ARHGAP24: variants seen among roughly 807,000 people sequenced by gnomAD.
The protein encoded by ARHGAP24 is Rho GTPase activating protein 24.
In ARHGAP24, 50 loss-of-function variants were observed where a neutral mutation model predicts 76.4. The observed-to-expected ratio is 0.65, with a 90% confidence interval of 0.52 to 0.83. The LOEUF is 0.83. ARHGAP24 is among the 40% of genes least tolerant of loss of function. The pLI is 0.00. For synonymous variants in ARHGAP24, 345 were observed against 323.3 expected (o/e 1.07, Z -0.72); for missense variants, 930 against 914.2 (o/e 1.02, Z -0.22).
At chr4:85,875,580 ATATATATTTTATAT>A (rs1340031244) in intron 3 of ARHGAP24, among the ~76,000 whole-genome samples, 2 of 104,708 alleles carry the variant, frequency 1.9e-5, no homozygotes, top group African/African-American at 8.0e-5. Flanking sequence ...ATAATATATA[ATATATATTTTATAT>A]TATATTTTTA....
intron 5 of ARHGAP24, among the ~76,000 whole-genome samples, chr4:85,953,001 A>G (rs1410012092): frequency 2.0e-5 from 3 of 152,344 alleles, no homozygotes; most frequent in Admixed American, 1.3e-4. Context: ...TTATTTTGTT[A>G]CCAAAGCCCT....
intron 2 of ARHGAP24, among the ~76,000 whole-genome samples, chr4:85,644,745 C>T (rs1721660309): frequency 6.6e-6 from 1 of 152,032 alleles, no homozygotes; most frequent in African/African-American, 2.4e-5. Flanking sequence ...AATACTTATT[C>T]TTGCCATTTT....
rs1231254098 is a variant in ARHGAP24, at chr4:85,946,273, G to A, written c.599+4000G>A. Among the ~76,000 whole-genome samples the A allele has an allele frequency of 2.6e-5, 4 of 151,920 alleles. No individual in the cohort carries two copies. In the East Asian group the frequency reaches 5.8e-4, roughly 22 times the overall value. The stretch of plus-strand genomic sequence containing the variant: ...CATATCATATTCCCTCATTTTTAAG[G>A]TTTTCTTTTTATTTAAAATGTATAT... On this transcript the variant is annotated intron_variant, in intron 5 of 9. Transcript: ENST00000395184.
intron 9 of ARHGAP24, chr4:86,000,112 T>C (rs1740925129): frequency 6.4e-6 from 1 of 157,396 alleles, no homozygotes; most frequent in African/African-American, 2.5e-5. Context: ...CTATCAGACT[T>C]TCCTGCTGCA....
chr4:85,860,738 C>T (rs995294391), intron 3 of ARHGAP24, among the ~76,000 whole-genome samples: 2 of 152,024 alleles, frequency 1.3e-5, no homozygotes, highest in Non-Finnish European at 2.9e-5. Context: ...AAGGCAATTG[C>T]TGGCATCCAT....
chr4:85,572,211 G>A (rs866061245), intron 2 of ARHGAP24, among the ~76,000 whole-genome samples: 1 of 152,124 alleles, frequency 6.6e-6, no homozygotes, highest in Middle Eastern at 3.4e-3. Context: ...GTATTATCTT[G>A]AATATAAAAT....
chr4:85,810,159 G>A lies in ARHGAP24; in HGVS notation c.268+88187G>A, dbSNP rs544408276. On this transcript the variant is annotated intron_variant, in intron 3 of 9. Coordinates refer to ENST00000395184, the MANE Select transcript of ARHGAP24 (RefSeq NM_001025616.3). The stretch of plus-strand genomic sequence containing the variant: ...CTTTCTTTTTAAAAATTTCAGCCTT[G>A]CCTTTCATGTAAGTCAATTACCAAC... Among the ~76,000 whole-genome samples, 23 of 152,232 alleles carry A rather than the reference G, an allele frequency of 1.5e-4. No individual in the cohort carries two copies. In the South Asian group the frequency reaches 4.3e-3, roughly 29 times the overall value.
intron 2 of ARHGAP24, among the ~76,000 whole-genome samples, chr4:85,573,819 T>C (rs1727246818): frequency 6.6e-6 from 1 of 152,214 alleles, no homozygotes; most frequent in South Asian, 2.1e-4. Flanking sequence ...TAGGAGTCAC[T>C]TTCTTGCTTC....
At chr4:85,559,201 C>T (rs1262654453) in intron 1 of ARHGAP24, among the ~76,000 whole-genome samples, 2 of 152,168 alleles carry the variant, frequency 1.3e-5, no homozygotes, top group Non-Finnish European at 2.9e-5. Context: ...CCATTGCTCT[C>T]CCATCCCTTG....
rs1723291630 is a variant in ARHGAP24 at position 85,489,958 on chromosome 4, G to A, written c.-21+14399G>A. Among the ~76,000 whole-genome samples the A allele has an allele frequency of 2.0e-5, 3 of 152,234 alleles. 1 individual carries two copies. Among genetic ancestry groups the A allele is most frequent in the African/African-American group, 4.8e-5 (2 of 41,532 alleles). The stretch of plus-strand genomic sequence containing the variant: ...TTAATCTCTTAGAAATAGCCATTAA[G>A]TAAAATAAAATTATATTGAACTATT... On this transcript the variant is annotated intron_variant, in intron 1 of 9. Coordinates refer to ENST00000395184, the MANE Select transcript of ARHGAP24 (RefSeq NM_001025616.3).
intron 2 of ARHGAP24, among the ~76,000 whole-genome samples, chr4:85,628,980 T>A (rs1032628886): frequency 2.6e-5 from 4 of 152,226 alleles, no homozygotes; most frequent in African/African-American, 9.6e-5. Context: ...TCATTTATAT[T>A]TGAATTTATT....
chr4:85,894,960 C>CAAAAAAAAAAAAAAAAAAAAAAAA (rs540459367), intron 3 of ARHGAP24, among the ~76,000 whole-genome samples: 5 of 35,356 alleles, frequency 1.4e-4, no homozygotes, highest in Non-Finnish European at 2.6e-4. Context: ...GACTCCCTCT[C>CAAAAAAAAAAAAAAAAAAAAAAAA]AAAAAAAAAA....
chr4:85,850,752 C>T (rs345339), intron 3 of ARHGAP24, among the ~76,000 whole-genome samples: 127,523 of 152,186 alleles, frequency 0.84, 55,695 homozygotes, highest in Non-Finnish European at 0.97. Context: ...CATATAGTTG[C>T]GTGGTTTTTA....
intron 3 of ARHGAP24, chr4:85,722,189 AT>A: frequency 4.1e-6 from 2 of 492,406 alleles, no homozygotes; most frequent in Non-Finnish European, 7.4e-6. Flanking sequence ...CTGGATTTTC[AT>A]TTGTCCATGA....
At chr4:85,604,497 G>A (rs17389342) in intron 2 of ARHGAP24, among the ~76,000 whole-genome samples, 40,105 of 152,188 alleles carry the variant, frequency 0.26, 7,455 homozygotes, top group East Asian at 0.84. Flanking sequence ...CTAAACAGCA[G>A]CCATTAAAAT....
At chr4:85,749,746 T>C (rs961030552) in intron 3 of ARHGAP24, among the ~76,000 whole-genome samples, 5 of 152,272 alleles carry the variant, frequency 3.3e-5, no homozygotes, top group Admixed American at 6.5e-5. Context: ...TTTGTATTTT[T>C]AGTAGGGACA....
intron 5 of ARHGAP24, among the ~76,000 whole-genome samples, chr4:85,966,253 G>C (rs1419253407): frequency 6.6e-6 from 1 of 152,132 alleles, no homozygotes; most frequent in Non-Finnish European, 1.5e-5. Context: ...CTATCTCCAA[G>C]TACCATTACA....
intron 3 of ARHGAP24, among the ~76,000 whole-genome samples, chr4:85,830,435 G>A (rs1046972248): frequency 8.5e-5 from 13 of 152,122 alleles, no homozygotes; most frequent in Admixed American, 3.3e-4. Flanking sequence ...CATCTAGTCC[G>A]TTGCTAGGCT....
chr4:85,629,746 C>G (rs1721099503), intron 2 of ARHGAP24, among the ~76,000 whole-genome samples: 1 of 152,110 alleles, frequency 6.6e-6, no homozygotes, highest in South Asian at 2.1e-4. Context: ...TGAGTTACTT[C>G]TCTCTTACTG....
Sources: gnomAD v4.1 joint callset for allele counts (sites outside exome capture counted in the v4.1 genomes callset) on GRCh38, gnomAD v4.1.1 for gene constraint, MANE v1.5 for transcripts, NCBI Gene and HGNC (gene_info 2026-07-23, HGNC 2026-07-21) for gene names.